FANCA: variants seen among roughly 807,000 people sequenced by gnomAD.
The protein encoded by FANCA is FA complementation group A.
Under a neutral mutation model 194.3 loss-of-function variants are expected in FANCA, and 236 were observed. The observed-to-expected ratio is 1.21, with a 90% CI of 1.09 to 1.35. FANCA has a LOEUF of 1.35. Ranked by LOEUF, FANCA falls within the 40% of genes most tolerant of loss-of-function variation. The pLI, the probability that FANCA is intolerant of heterozygous loss-of-function variation, is 0.00. For missense variants in FANCA, 2,628 were observed against 1,813.9 expected (o/e 1.45, Z -8.15); for synonymous variants, 1,014 against 715.8 (o/e 1.42, Z -6.65).
chr16:89,762,321 C>T lies in FANCA; in HGVS notation c.2779-299G>A, dbSNP rs147430868. On this transcript the variant is annotated intron_variant, in intron 28 of 42. Transcript: ENST00000389301. ...ATCTCATTTAAAAATTACCTGGGCA[C>T]GGTGGCTCATGCCTGTAATCCCAGC... Among the ~76,000 whole-genome samples, 58 of 152,246 alleles carry T rather than the reference C, an allele frequency of 3.8e-4. No individual in the cohort carries two copies. In the East Asian group the frequency reaches 8.9e-3, roughly 23 times the overall value.
intron 30 of FANCA, among the ~76,000 whole-genome samples, chr16:89,752,961 C>T (rs1051353152): frequency 7.9e-5 from 12 of 152,188 alleles, no homozygotes; most frequent in Admixed American, 5.2e-4. Flanking sequence ...CAGTCAGACT[C>T]GCCCGCAGTT....
At position 89,771,662 on chromosome 16, in the gene FANCA, G is replaced by A. The variant is rs1415052192; in HGVS notation, c.2151+16C>T. On this transcript the variant is annotated intron_variant, in intron 23 of 42. Coordinates refer to ENST00000389301, the MANE Select transcript of FANCA (RefSeq NM_000135.4). Reference sequence around the variant, plus strand: ...TGGTGAAGACCCCCTGCTTTGTTCTGAGCCCCTACACCTACCATGTGTTCC... The same window carrying A: ...TGGTGAAGACCCCCTGCTTTGTTCTAAGCCCCTACACCTACCATGTGTTCC... 2 of 1,613,784 alleles carry A rather than the reference G, an allele frequency of 1.2e-6. No homozygotes were observed. Among genetic ancestry groups the A allele is most frequent in the East Asian group, 2.2e-5 (1 of 44,890 alleles).
intron 29 of FANCA, among the ~76,000 whole-genome samples, chr16:89,759,106 G>A (rs924663259): frequency 6.6e-6 from 1 of 151,502 alleles, no homozygotes; most frequent in Non-Finnish European, 1.5e-5. Flanking sequence ...GGATCACGAG[G>A]TTAGGAGATC....
chr16:89,806,371 T>C (rs920520384), intron 6 of FANCA, among the ~76,000 whole-genome samples: 2 of 148,388 alleles, frequency 1.3e-5, no homozygotes, highest in Non-Finnish European at 3.0e-5. Flanking sequence ...TTTTTTTAAT[T>C]GATCATTCTT....
chr16:89,780,012 C>G (rs2039646898), intron 17 of FANCA, 55 bp from the exon 18 acceptor site: 2 of 1,519,848 alleles, frequency 1.3e-6, no homozygotes, highest in African/African-American at 2.7e-5. Flanking sequence ...AAAGAAAAGA[C>G]TGAGCAGTGA....
At chr16:89,816,415 C>T (rs1368083319) in intron 1 of FANCA, 122 bp downstream of exon 1, 3 of 875,284 alleles carry the variant, frequency 3.4e-6, no homozygotes, top group African/African-American at 3.6e-5. Context: ...CCCGCACAGC[C>T]CCCCGGGCGC....
chr16:89,771,869 G>T, intron 22 of FANCA, 55 bp from the exon 23 acceptor site: 1 of 1,606,922 alleles, frequency 6.2e-7, no homozygotes, highest in African/African-American at 1.3e-5. Flanking sequence ...GAGGGATACA[G>T]CTGCGGCCTA....
At chr16:89,773,162 T>TA in intron 22 of FANCA, 109 bp downstream of exon 22, 3 of 867,358 alleles carry the variant, frequency 3.5e-6, no homozygotes, top group Non-Finnish European at 3.7e-6. Flanking sequence ...ACTGGACTAC[T>TA]AGGAAGACAC....
chr16:89,780,824 G>A (rs115649789), intron 17 of FANCA, among the ~76,000 whole-genome samples: 1,976 of 151,786 alleles, frequency 0.013, 39 homozygotes, highest in African/African-American at 0.043. Context: ...CAGTTACTCA[G>A]GAGGTCAAGG....
chr16:89,745,239 G>A (rs1309350160), intron 35 of FANCA, among the ~76,000 whole-genome samples, 168 bp from the exon 36 acceptor site: 2 of 152,246 alleles, frequency 1.3e-5, no homozygotes, highest in Admixed American at 1.3e-4. Context: ...AAGGCTCAAA[G>A]CAGTTCCATG....
chr16:89,741,527 T>C (rs1216731546), intron 37 of FANCA, among the ~76,000 whole-genome samples: 1 of 152,128 alleles, frequency 6.6e-6, no homozygotes, highest in Non-Finnish European at 1.5e-5. Context: ...GGGATGCTTG[T>C]TTCTGTTCCT....
chr16:89,762,097 T>C, intron 28 of FANCA, 75 bp from the exon 29 acceptor site: 2 of 1,192,130 alleles, frequency 1.7e-6, no homozygotes, highest in Admixed American at 1.7e-5. Context: ...TAAACCAGTT[T>C]GTCATTTCAT....
chr16:89,778,627 TAAAAA>T (rs397693835), intron 20 of FANCA, among the ~76,000 whole-genome samples, 169 bp downstream of exon 20: 4 of 29,914 alleles, frequency 1.3e-4, no homozygotes, highest in South Asian at 1.6e-3. Context: ...AGACTCCAAC[TAAAAA>T]AAAAAAAAAA....
chr16:89,816,295 C>T, intron 1 of FANCA: 1 of 253,130 alleles, frequency 4.0e-6, no homozygotes, highest in Non-Finnish European at 7.5e-6. Context: ...CCGGCGGGGG[C>T]GGCGTTCGGG....
Position 89,791,643 on chromosome 16 carries a change from C to A in FANCA, c.1226-107G>T. The A allele has an allele frequency of 1.3e-5, 19 of 1,470,948 alleles. No homozygotes were observed. The South Asian group carries it at 2.1e-4, about 17-fold the overall frequency. The allele number at this position is 1,470,948 out of a possible 1,614,324, so 91.1% of individuals were successfully genotyped here. A position where few individuals can be genotyped will look rare whatever the true frequency, so the allele number is the denominator to read the frequency against. ...TATTCCAGAAGGAGACTGTGCACACCCAAACACCAAGTTTTAAAAGACTAC... is the reference window on the plus strand; with the variant it reads ...TATTCCAGAAGGAGACTGTGCACACACAAACACCAAGTTTTAAAAGACTAC... On this transcript the variant is annotated intron_variant, in intron 13 of 42. Transcript: ENST00000389301.
intron 33 of FANCA, 56 bp downstream of exon 33, chr16:89,748,603 T>C (rs2038471813): frequency 7.4e-7 from 1 of 1,355,390 alleles, no homozygotes; most frequent in Non-Finnish European, 1.1e-6. Flanking sequence ...CAAGAGCTGC[T>C]GTTAGCGCCA....
rs930453202 is a variant in FANCA, at chr16:89,761,883, C to T, written c.2852+66G>A. ...TCAAGAGATCTCCTGCCTCAGCCTC[C>T]CAAAGTGCTGGGATTATAGGTGTGA... is the stretch of plus-strand genomic sequence containing the variant. On this transcript the variant is annotated intron_variant, in intron 29 of 42. Transcript: ENST00000389301. 3.0e-6 allele frequency: 4 copies of T among 1,342,644 alleles called. No homozygotes were observed. In the African/African-American group the frequency reaches 5.8e-5, roughly 19 times the overall value. The allele number at this position is 1,342,644 out of a possible 1,614,324, so 83.2% of individuals were successfully genotyped here.
At position 89,737,976 on chromosome 16, in the gene FANCA, G is replaced by GT; in HGVS notation, c.*624dup. The GT allele has an allele frequency of 6.2e-7, 1 of 1,614,156 alleles. No homozygotes were observed. The highest frequency in any genetic ancestry group is 8.5e-7 in the Non-Finnish European group (1 of 1,180,030). On this transcript the variant is annotated 3_prime_UTR_variant, in exon 43 of 43. Coordinates refer to ENST00000389301, the MANE Select transcript of FANCA (RefSeq NM_000135.4). ...CTTCTTATCTGCCTCTGTCCCCCAG[G>GT]TGTGAGGTCTGTGGGTTCCAGTGCA... is the stretch of plus-strand genomic sequence containing the variant.
At chr16:89,753,406 T>A (rs978975888) in intron 30 of FANCA, among the ~76,000 whole-genome samples, 6 of 152,186 alleles carry the variant, frequency 3.9e-5, no homozygotes, top group African/African-American at 1.4e-4. Context: ...CTACACTCTC[T>A]CATCGCCGCA....
Sources: allele counts gnomAD v4.1 joint callset (sites outside exome capture counted in the v4.1 genomes callset), GRCh38; gene constraint gnomAD v4.1.1; transcripts MANE v1.5; gene names NCBI Gene and HGNC (gene_info 2026-07-23, HGNC 2026-07-21).